TIAM1: variants seen among roughly 807,000 people sequenced by gnomAD.
The protein encoded by TIAM1 is TIAM Rac1 associated GEF 1, also known as rho guanine nucleotide exchange factor TIAM1.
A neutral mutation model predicts 163.5 loss-of-function variants in TIAM1; 65 were observed. That is an observed-to-expected ratio of 0.40 (90% confidence interval 0.33 to 0.49). The LOEUF (loss-of-function observed/expected upper bound fraction) is 0.49. Among genes scored for constraint, TIAM1 ranks in the 20% least tolerant of loss-of-function variants. The probability of loss-of-function intolerance (pLI) is 0.77; values close to 1 mark genes in which losing one functional copy is unlikely to be tolerated. For missense variants in TIAM1, 1,789 were observed against 2,044.7 expected (o/e 0.87, Z 2.41); for synonymous variants, 833 against 810.1 (o/e 1.03, Z -0.48).
intron 6 of TIAM1, 113 bp downstream of exon 6, chr21:31,245,372 TAAA>T (rs35494700): frequency 0.06 from 12,359 of 206,772 alleles, 3 homozygotes; most frequent in East Asian, 0.1. Context: ...ATCTCACCAC[TAAA>T]AAAAAAAAAA....
At position 31,217,601 on chromosome 21, in the gene TIAM1, A is replaced by G; in HGVS notation, c.2094T>C (p.Gly698=). 6.2e-7 allele frequency: 1 copy of G among 1,613,902 alleles called. No homozygotes were observed. Among genetic ancestry groups the G allele is most frequent in the East Asian group, 2.2e-5 (1 of 44,858 alleles). ...KRRSRFSSLW[G]LDTTSKKKQG... is the part of the protein sequence containing the mutation. ...GCTTCTTTTTGGAGGTAGTATCCAG[A>G]CCCCACAGAGAAGAAAACCTGCTCC... Residue 698 remains glycine (G), a synonymous_variant, in exon 9 of 28, where the codon GGT becomes GGC. Coordinates refer to ENST00000541036, the MANE Select transcript of TIAM1 (RefSeq NM_001353694.2).
At chr21:31,383,683 G>A (rs192183490) in intron 2 of TIAM1, among the ~76,000 whole-genome samples, 7 of 152,236 alleles carry the variant, frequency 4.6e-5, no homozygotes, top group East Asian at 1.9e-4. Flanking sequence ...GTATCACATC[G>A]TATATATGTA....
chr21:31,210,357 C>T, intron 10 of TIAM1, 142 bp from the exon 11 acceptor site: 6 of 804,378 alleles, frequency 7.5e-6, no homozygotes, highest in Non-Finnish European at 1.2e-5. Flanking sequence ...GCAGGGGAAC[C>T]CTTGGAGAGA....
At position 31,130,960 on chromosome 21, in the gene TIAM1, AAAAT is replaced by A. The variant is rs1432262754; in HGVS notation, c.3884-16_3884-13del. ...AGCAGTTTTGAAGACTGGAAAAAAT[AAAAT>A]AAAGACAGTTATGGTATGTCATGTG... On this transcript the variant is annotated splice_polypyrimidine_tract_variant and intron_variant, in intron 23 of 27. Transcript: ENST00000541036. 3.7e-6 allele frequency: 6 copies of A among 1,612,570 alleles called. No individual in the cohort carries two copies. Among genetic ancestry groups the A allele is most frequent in the Non-Finnish European group, 4.2e-6 (5 of 1,179,156 alleles).
At chr21:31,416,658 T>C (rs201225080) in intron 2 of TIAM1, among the ~76,000 whole-genome samples, 2 of 152,258 alleles carry the variant, frequency 1.3e-5, no homozygotes, top group South Asian at 2.1e-4. Flanking sequence ...ATTTCATTCC[T>C]TTTTGTGGCT....
chr21:31,157,844 A>G (rs954863153), intron 16 of TIAM1, among the ~76,000 whole-genome samples: 2 of 152,228 alleles, frequency 1.3e-5, no homozygotes, highest in African/African-American at 2.4e-5. Flanking sequence ...AGGAACTGCC[A>G]CAGAGGCAGA....
At chr21:31,484,982 C>T (rs2284531) in intron 1 of TIAM1, among the ~76,000 whole-genome samples, 52,062 of 152,020 alleles carry the variant, frequency 0.34, 9,212 homozygotes, top group Non-Finnish European at 0.37. Context: ...CAGTCTTCTA[C>T]GAACCAGGAA....
chr21:31,343,868 A>G (rs893452509), intron 1 of TIAM1, among the ~76,000 whole-genome samples: 2 of 152,132 alleles, frequency 1.3e-5, no homozygotes, highest in Non-Finnish European at 2.9e-5. Flanking sequence ...TCAAAGCCCG[A>G]ATCTCTTTAC....
chr21:31,366,470 T>C (rs1051026672), intron 2 of TIAM1, among the ~76,000 whole-genome samples: 2 of 152,222 alleles, frequency 1.3e-5, no homozygotes. Context: ...GTTCCTTTTC[T>C]TTCCCATCCA....
At chr21:31,223,744 T>G (rs967557031) in intron 7 of TIAM1, among the ~76,000 whole-genome samples, 153 bp from the exon 8 acceptor site, 10 of 152,220 alleles carry the variant, frequency 6.6e-5, no homozygotes, top group Non-Finnish European at 1.0e-4. Flanking sequence ...TTACTTATGT[T>G]TCTTCTGCAA....
chr21:31,316,972 T>G (rs1174919274), intron 2 of TIAM1, among the ~76,000 whole-genome samples: 1 of 152,176 alleles, frequency 6.6e-6, no homozygotes, highest in Non-Finnish European at 1.5e-5. Flanking sequence ...AAACCTACGT[T>G]GCTGTACCTC....
chr21:31,268,539 C>T (rs1336896609), intron 3 of TIAM1, among the ~76,000 whole-genome samples: 1 of 152,216 alleles, frequency 6.6e-6, no homozygotes, highest in African/African-American at 2.4e-5. Flanking sequence ...AGGGGTAACT[C>T]ATACAGACAC....
intron 1 of TIAM1, among the ~76,000 whole-genome samples, chr21:31,496,514 G>A (rs2046651061): frequency 6.7e-6 from 1 of 149,684 alleles, no homozygotes; most frequent in African/African-American, 2.5e-5. Flanking sequence ...GCTGTGCATT[G>A]AGCTTATGTT....
Position 31,558,244 on chromosome 21 carries a change from G to A in TIAM1, c.-422+683C>T, listed in dbSNP as rs2048959809. Among the ~76,000 whole-genome samples the A allele has an allele frequency of 1.3e-5, 2 of 152,166 alleles. 1 individual carries two copies. The highest frequency in any genetic ancestry group is 4.1e-4 in the South Asian group (2 of 4,836). The stretch of plus-strand genomic sequence containing the variant: ...AGGCGGGGACGGGATAGGGCGCGGG[G>A]ACCCAGGGCACAGTCCCCGGGACCC... On this transcript the variant is annotated intron_variant, in intron 1 of 28. Coordinates refer to the TIAM1 transcript ENST00000286827.
At chr21:31,555,391 GAA>G (rs2048840224) in intron 1 of TIAM1, among the ~76,000 whole-genome samples, 4 of 151,996 alleles carry the variant, frequency 2.6e-5, no homozygotes, top group Admixed American at 1.3e-4. Context: ...AATTTAGAAA[GAA>G]AATGTACATG....
intron 1 of TIAM1, among the ~76,000 whole-genome samples, chr21:31,484,692 G>C (rs942247012): frequency 6.6e-6 from 1 of 152,200 alleles, no homozygotes; most frequent in Non-Finnish European, 1.5e-5. Context: ...AGGGAGGCCT[G>C]AGAGACTTTC....
chr21:31,242,864 A>AT (rs2071262436), intron 6 of TIAM1, among the ~76,000 whole-genome samples: 1 of 142,006 alleles, frequency 7.0e-6, no homozygotes, highest in Non-Finnish European at 1.5e-5. Flanking sequence ...CTGTCTCAAA[A>AT]AAAAAAAAAA....
chr21:31,535,007 C>G (rs1291797263), intron 1 of TIAM1, among the ~76,000 whole-genome samples: 1 of 151,908 alleles, frequency 6.6e-6, no homozygotes, highest in African/African-American at 2.4e-5. Context: ...AGAGGATCAC[C>G]TGAACCCAGG....
chr21:31,408,773 A>C (rs1247935800), intron 2 of TIAM1, among the ~76,000 whole-genome samples: 1 of 152,208 alleles, frequency 6.6e-6, no homozygotes, highest in Admixed American at 6.5e-5. Flanking sequence ...TTCTCACACG[A>C]AGACAATGGT....
Sources: gnomAD v4.1 joint callset for allele counts (sites outside exome capture counted in the v4.1 genomes callset) on GRCh38, gnomAD v4.1.1 for gene constraint, MANE v1.5 for transcripts, NCBI Gene and HGNC (gene_info 2026-07-23, HGNC 2026-07-21) for gene names.